TASOR: variants seen among roughly 807,000 people sequenced by gnomAD.
The protein encoded by TASOR is protein TASOR.
A neutral mutation model predicts 178.6 loss-of-function variants in TASOR; 53 were observed. The observed-to-expected ratio is 0.30, with a 90% CI of 0.24 to 0.37. The LOEUF (loss-of-function observed/expected upper bound fraction) is 0.37. Ranked by LOEUF, TASOR falls within the 10% of genes least tolerant of loss-of-function variation. The pLI is 1.00. For synonymous variants in TASOR, 713 were observed against 696.2 expected (o/e 1.02, Z -0.38); for missense variants, 1,815 against 1,971.4 (o/e 0.92, Z 1.50).
At chr3:56,671,053 A>G (rs1322293764) in intron 3 of TASOR, among the ~76,000 whole-genome samples, 2 of 149,914 alleles carry the variant, frequency 1.3e-5, no homozygotes, top group Non-Finnish European at 2.9e-5. Context: ...CTTAATAAAG[A>G]AAAAAGGCCA....
intron 18 of TASOR, among the ~76,000 whole-genome samples, chr3:56,631,742 C>T (rs1249016666): frequency 6.6e-6 from 1 of 151,968 alleles, no homozygotes; most frequent in African/African-American, 2.4e-5. Context: ...TGCCCCCATG[C>T]CCGGCTAATT....
At chr3:56,636,976 A>T (rs2077030220) in intron 17 of TASOR, among the ~76,000 whole-genome samples, 1 of 151,958 alleles carries the variant, frequency 6.6e-6, no homozygotes, top group Non-Finnish European at 1.5e-5. Context: ...GATTGAGACC[A>T]TCCTGGCCAA....
chr3:56,670,267 A>T (rs2030540235), intron 3 of TASOR, 122 bp from the exon 4 acceptor site: 2 of 545,534 alleles, frequency 3.7e-6, no homozygotes, highest in South Asian at 7.3e-5. Flanking sequence ...ATTCTAGATC[A>T]CAGAAATCTT....
Position 56,623,361 on chromosome 3 carries a change from C to T in TASOR, c.4689G>A (p.Lys1563=). The T allele has an allele frequency of 1.9e-6, 3 of 1,613,560 alleles. No homozygotes were observed. Among genetic ancestry groups the T allele is most frequent in the Non-Finnish European group, 2.5e-6 (3 of 1,179,948 alleles). The part of the protein sequence containing the change: ...PDVQNSLLED[K]TYLDSEERTS... Reference sequence around the variant, plus strand: ...TTCTCTCTTCAGAATCAAGGTAAGTCTTATCTTCTAATAAACTGTTTTGCA... The same window carrying T: ...TTCTCTCTTCAGAATCAAGGTAAGTTTTATCTTCTAATAAACTGTTTTGCA... Residue 1563 remains lysine, a synonymous_variant, in exon 24 of 24, where the codon AAG becomes AAA. Coordinates refer to ENST00000683822, the MANE Select transcript of TASOR (RefSeq NM_001365635.2).
chr3:56,639,654 A>T (rs774074867), intron 16 of TASOR, among the ~76,000 whole-genome samples: 6 of 152,216 alleles, frequency 3.9e-5, no homozygotes, highest in African/African-American at 1.4e-4. Context: ...AAAGAGCACC[A>T]TTTTATCTCT....
At chr3:56,631,584 G>GTTTTTTTTTTTT (rs932459148) in intron 18 of TASOR, among the ~76,000 whole-genome samples, 3 of 113,430 alleles carry the variant, frequency 2.6e-5, no homozygotes, top group African/African-American at 7.2e-5. Context: ...GTGTTTTTTT[G>GTTTTTTTTTTTT]TTTTTTTTTT....
At chr3:56,671,949 C>T (rs1046418368) in intron 2 of TASOR, among the ~76,000 whole-genome samples, 1 of 152,118 alleles carries the variant, frequency 6.6e-6, no homozygotes, top group Admixed American at 6.6e-5. Flanking sequence ...CCAACTCTCC[C>T]ATAGATTATA....
chr3:56,676,697 T>C (rs1240141227), intron 1 of TASOR, among the ~76,000 whole-genome samples: 1 of 152,222 alleles, frequency 6.6e-6, no homozygotes, highest in African/African-American at 2.4e-5. Flanking sequence ...AAATTTTCAT[T>C]AGTTAAGCTA....
At chr3:56,625,883 A>G (rs934350613) in intron 21 of TASOR, among the ~76,000 whole-genome samples, 6 of 151,772 alleles carry the variant, frequency 4.0e-5, no homozygotes, top group African/African-American at 9.7e-5. Context: ...CAGCCTCCCA[A>G]TGTGCTGGGA....
rs2031927241 is a variant in TASOR at position 56,682,843 on chromosome 3, G to C, written c.164C>G (p.Ala55Gly). 1 of 1,550,358 alleles carries C rather than the reference G, an allele frequency of 6.5e-7. No homozygotes were observed. Among genetic ancestry groups the C allele is most frequent in the Admixed American group, 2.0e-5 (1 of 50,948 alleles). The change falls in exon 1 of 24, where the codon GCT (alanine) becomes GGT (glycine). Residue 55 changes from alanine to glycine, a missense_variant. By Grantham distance (60) the Ala-to-Gly change is moderately conservative. Around this residue, in one of 5 missense-constraint regions of TASOR, gnomAD observed 244 missense variants for 202.7 expected, o/e 1.20. Transcript: ENST00000683822. ...GLNIAEPSGG[A>G]GREENAGAEA... ...GGCCCCCGCGTTCTCCTCACGCCCA[G>C]CGCCGCCGCTGGGCTCAGCGATGTT...
intron 6 of TASOR, among the ~76,000 whole-genome samples, chr3:56,667,027 T>C (rs34480364): frequency 0.032 from 4,898 of 152,302 alleles, 110 homozygotes; most frequent in Middle Eastern, 0.078. Context: ...TGGGAAACTA[T>C]TGATTTCAAT....
chr3:56,679,318 A>C (rs773179576), intron 1 of TASOR, among the ~76,000 whole-genome samples: 8 of 152,250 alleles, frequency 5.3e-5, no homozygotes, highest in Non-Finnish European at 8.8e-5. Context: ...CATAGTGTAC[A>C]ATTAGAAATG....
chr3:56,679,835 T>C (rs887016345), intron 1 of TASOR, among the ~76,000 whole-genome samples: 2 of 152,320 alleles, frequency 1.3e-5, no homozygotes, highest in Admixed American at 1.3e-4. Context: ...ATTCTACAAT[T>C]TGGTTAAATT....
intron 9 of TASOR, 110 bp downstream of exon 9, chr3:56,662,275 T>C (rs1377282066): frequency 3.0e-6 from 2 of 665,916 alleles, no homozygotes; most frequent in South Asian, 1.8e-5. Context: ...ACATTTATAT[T>C]GAAGTTCTTA....
Position 56,641,711 on chromosome 3 carries a change from A to G in TASOR, c.2257T>C (p.Leu753=), listed in dbSNP as rs754586134. The G allele has an allele frequency of 1.9e-6, 3 of 1,614,168 alleles. No homozygotes were observed. Among genetic ancestry groups the G allele is most frequent in the East Asian group, 2.2e-5 (1 of 44,890 alleles). Residue 753 remains leucine (L), a synonymous_variant, in exon 15 of 24, where the codon TTG becomes CTG. Coordinates refer to ENST00000683822, the MANE Select transcript of TASOR (RefSeq NM_001365635.2). ...PIGSLGHDAD[L]RRQQQDTCNS... ...CAGGTATCCTGCTGCTGCCGCCTCAAGTCAGCATCATGTCCAAGTGAGCCA... is the reference window on the plus strand; with the variant it reads ...CAGGTATCCTGCTGCTGCCGCCTCAGGTCAGCATCATGTCCAAGTGAGCCA...
At chr3:56,644,219 T>C (rs1339097528) in intron 14 of TASOR, among the ~76,000 whole-genome samples, 1 of 152,226 alleles carries the variant, frequency 6.6e-6, no homozygotes, top group South Asian at 2.1e-4. Context: ...TTTTCTCATC[T>C]GCAAAATTAG....
rs187762142 is a variant in TASOR at position 56,667,318 on chromosome 3, A to G, written c.898-934T>C. Reference sequence around the variant, plus strand: ...AGGGAAGTTAACATTACTACTTTTCACAAGCAGTCTATTTGGTTATAGACA... The same window carrying G: ...AGGGAAGTTAACATTACTACTTTTCGCAAGCAGTCTATTTGGTTATAGACA... On this transcript the variant is annotated intron_variant, in intron 6 of 23. Coordinates refer to ENST00000683822, the MANE Select transcript of TASOR (RefSeq NM_001365635.2). Among the ~76,000 whole-genome samples, 30 of 152,310 alleles carry G rather than the reference A, an allele frequency of 2.0e-4. 1 individual carries two copies. Among genetic ancestry groups the G allele is most frequent in the Admixed American group, 1.7e-3 (26 of 15,282 alleles).
At position 56,660,919 on chromosome 3, in the gene TASOR, T is replaced by C. The variant is rs199931496; in HGVS notation, c.1259A>G (p.Asn420Ser). The stretch of plus-strand genomic sequence containing the variant: ...ATAAAATTAAATTACCTTACCTTCA[T>C]TTGGACCTAAGTATGTTTCCTTATA... ...LFYKETYLGP[N>S]EVLKNGMYCS... Residue 420 changes from asparagine to serine, a missense_variant, in exon 10 of 24, where the codon AAT becomes AGT. Physicochemically the swap from Asn to Ser is conservative, Grantham distance 46. Transcript: ENST00000683822. 1.2e-6 allele frequency: 2 copies of C among 1,611,324 alleles called. No homozygotes were observed. Among genetic ancestry groups the C allele is most frequent in the South Asian group, 1.1e-5 (1 of 90,648 alleles).
intron 5 of TASOR, among the ~76,000 whole-genome samples, chr3:56,669,482 G>A (rs1308851347): frequency 6.6e-6 from 1 of 152,024 alleles, no homozygotes; most frequent in Non-Finnish European, 1.5e-5. Context: ...CATCCAGCCT[G>A]GGCAACAGAG....
Sources: allele counts gnomAD v4.1 joint callset (sites outside exome capture counted in the v4.1 genomes callset), GRCh38; gene constraint gnomAD v4.1.1; regional missense constraint gnomAD v4.1.1; transcripts MANE v1.5; gene names NCBI Gene and HGNC (gene_info 2026-07-23, HGNC 2026-07-21).